The following AFF1 variants were observed in gnomAD, a reference collection of about 807,000 sequenced individuals.
AFF1 encodes ALF transcription elongation factor 1.
Under a neutral mutation model 121.7 loss-of-function variants are expected in AFF1, and 48 were observed. That is an observed-to-expected ratio of 0.39 (90% CI 0.31 to 0.50). The LOEUF (loss-of-function observed/expected upper bound fraction) is 0.50. Among genes scored for constraint, AFF1 ranks in the 20% least tolerant of loss-of-function variants. The pLI, the probability that AFF1 is intolerant of heterozygous loss-of-function variation, is 0.76. For missense variants in AFF1, 1,523 were observed against 1,511.7 expected, an observed-to-expected ratio of 1.01 and a Z score of -0.12; for synonymous variants, 613 against 563.0, an observed-to-expected ratio of 1.09 and a Z score of -1.26.
intron 15 of AFF1, 98 bp from the exon 16 acceptor site, chr4:87,127,545 T>A: frequency 1.8e-6 from 2 of 1,101,836 alleles, no homozygotes; most frequent in Non-Finnish European, 2.7e-6. Flanking sequence ...CTCCTCCCCT[T>A]GCTGTCCTCC....
chr4:86,940,434 C>A (rs1231643808), intron 1 of AFF1, among the ~76,000 whole-genome samples: 1 of 152,208 alleles, frequency 6.6e-6, no homozygotes, highest in Non-Finnish European at 1.5e-5. Flanking sequence ...CAGAGTCTCA[C>A]TCTGTTGCCC....
chr4:87,049,814 G>T, intron 4 of AFF1: 1 of 451,928 alleles, frequency 2.2e-6, no homozygotes, highest in Non-Finnish European at 4.5e-6. Flanking sequence ...GGCTCTCGGT[G>T]ACCCCTTTGA....
At chr4:87,040,161 C>T (rs1729993482) in intron 2 of AFF1, among the ~76,000 whole-genome samples, 1 of 152,166 alleles carries the variant, frequency 6.6e-6, no homozygotes, top group Non-Finnish European at 1.5e-5. Flanking sequence ...TCCCAAAGTG[C>T]TGGGATTACA....
intron 2 of AFF1, among the ~76,000 whole-genome samples, chr4:86,969,940 A>G (rs545070566): frequency 2.0e-5 from 3 of 151,304 alleles, no homozygotes; most frequent in East Asian, 3.9e-4. Context: ...ATGATATAGT[A>G]TACAAATTAC....
chr4:87,046,046 C>A (rs113353884), intron 2 of AFF1, 120 bp from the exon 3 acceptor site: 2 of 1,213,688 alleles, frequency 1.6e-6, no homozygotes, highest in African/African-American at 1.5e-5. Context: ...AAATCACAGC[C>A]GTCATCACTG....
intron 2 of AFF1, among the ~76,000 whole-genome samples, chr4:87,026,778 A>G (rs745368233): frequency 5.9e-5 from 9 of 152,202 alleles, no homozygotes; most frequent in Non-Finnish European, 1.2e-4. Context: ...TACCTATTGT[A>G]TTACAGATTT....
In AFF1 at chr4:87,046,197, A is replaced by G. The variant is rs752107576; in HGVS notation, c.70A>G (p.Ile24Val). Reference sequence around the variant, plus strand: ...CAATGACGACAGAAACCTGCTTCGAATTAGAGAGAAGGAAAGACGCAACCA... The same window carrying G: ...CAATGACGACAGAAACCTGCTTCGAGTTAGAGAGAAGGAAAGACGCAACCA... ...LYNDDRNLLR[I>V]REKERRNQEA... Residue 24 changes from isoleucine (I) to valine (V), a missense_variant, in exon 3 of 21, where the codon ATT becomes GTT. By Grantham distance (29) the Ile-to-Val change is conservative (BLOSUM62 3). Around this residue, in one of 5 missense-constraint regions of AFF1, gnomAD observed 369 missense variants for 367.2 expected, o/e 1.00. Coordinates refer to ENST00000395146, the MANE Select transcript of AFF1 (RefSeq NM_001166693.3). 1.2e-6 allele frequency: 2 copies of G among 1,613,924 alleles called. No homozygotes were observed. Among genetic ancestry groups the G allele is most frequent in the Non-Finnish European group, 1.7e-6 (2 of 1,179,942 alleles).
chr4:87,039,193 A>G (rs1729865355), intron 2 of AFF1, among the ~76,000 whole-genome samples: 1 of 152,158 alleles, frequency 6.6e-6, no homozygotes, highest in Non-Finnish European at 1.5e-5. Context: ...TTCCTTTTTT[A>G]GTGTGAAGGA....
rs1338108921 is a variant in AFF1, at chr4:87,029,184, C to T, written c.39-16982C>T. Among the ~76,000 whole-genome samples the T allele has an allele frequency of 3.9e-5, 6 of 152,042 alleles. No homozygotes were observed. The East Asian group carries it at 5.8e-4, about 15-fold the overall frequency. Reference sequence around the variant, plus strand: ...TAAACTTTGATATAAATATTGTGGCCGTTTCTGAGCTACTTTATTGTAAGA... The same window carrying T: ...TAAACTTTGATATAAATATTGTGGCTGTTTCTGAGCTACTTTATTGTAAGA... On this transcript the variant is annotated intron_variant, in intron 2 of 20. Coordinates refer to ENST00000395146, the MANE Select transcript of AFF1 (RefSeq NM_001166693.3).
chr4:86,985,181 C>CTATATATATATATATA (rs55891819), intron 2 of AFF1, among the ~76,000 whole-genome samples: 1,264 of 96,020 alleles, frequency 0.013, 25 homozygotes, highest in East Asian at 0.024. Flanking sequence ...ATATGTATTA[C>CTATATATATATATATA]TATATATATA....
intron 2 of AFF1, among the ~76,000 whole-genome samples, chr4:86,970,010 G>A (rs531051725): frequency 1.3e-5 from 2 of 151,552 alleles, no homozygotes; most frequent in Admixed American, 6.6e-5. Flanking sequence ...TATCTACCTA[G>A]ATAAACACAT....
At chr4:87,070,686 A>C (rs1560596359) in intron 4 of AFF1, among the ~76,000 whole-genome samples, 1 of 152,382 alleles carries the variant, frequency 6.6e-6, no homozygotes, top group East Asian at 1.9e-4. Context: ...GCTTCTACCC[A>C]AGTTTTAACA....
chr4:87,022,575 T>TATATAC (rs1728057307), intron 2 of AFF1, among the ~76,000 whole-genome samples: 2 of 88,234 alleles, frequency 2.3e-5, no homozygotes, highest in African/African-American at 5.3e-5. Context: ...TATATATATA[T>TATATAC]ATATATATCT....
intron 2 of AFF1, among the ~76,000 whole-genome samples, chr4:86,982,848 C>CAAAAAAAAAAAAAAAA (rs59568294): frequency 2.2e-4 from 12 of 53,808 alleles, no homozygotes; most frequent in African/African-American, 8.2e-4. Flanking sequence ...ACTCTGTCTC[C>CAAAAAAAAAAAAAAAA]AAAAAAAAAA....
intron 19 of AFF1, among the ~76,000 whole-genome samples, 168 bp downstream of exon 19, chr4:87,132,576 T>G (rs1258421939): frequency 6.6e-6 from 1 of 152,270 alleles, no homozygotes; most frequent in African/African-American, 2.4e-5. Context: ...AGCATATTTC[T>G]ACCTTTTTGA....
At chr4:87,058,886 A>T (rs577198754) in intron 4 of AFF1, among the ~76,000 whole-genome samples, 1 of 152,078 alleles carries the variant, frequency 6.6e-6, no homozygotes, top group Non-Finnish European at 1.5e-5. Flanking sequence ...CCACTAGTGG[A>T]CTGTATTGGA....
chr4:87,057,717 ACCATTAATTC>A (rs1248346850), intron 4 of AFF1, among the ~76,000 whole-genome samples: 1 of 152,244 alleles, frequency 6.6e-6, no homozygotes, highest in Non-Finnish European at 1.5e-5. Flanking sequence ...GATCAAGTGG[ACCATTAATTC>A]CCAGTTAAGA....
intron 1 of AFF1, among the ~76,000 whole-genome samples, chr4:86,947,122 G>C (rs1720924735): frequency 6.6e-6 from 1 of 152,174 alleles, no homozygotes; most frequent in Admixed American, 6.5e-5. Flanking sequence ...TAAGTGGTGA[G>C]GGAAGGGAAG....
At chr4:87,113,221 C>A (rs897072835) in intron 11 of AFF1, among the ~76,000 whole-genome samples, 1 of 152,128 alleles carries the variant, frequency 6.6e-6, no homozygotes, top group African/African-American at 2.4e-5. Context: ...GTATGCCTCC[C>A]TTTGTATCTT....
Sources: allele counts gnomAD v4.1 joint callset (sites outside exome capture counted in the v4.1 genomes callset), GRCh38; gene constraint gnomAD v4.1.1; regional missense constraint gnomAD v4.1.1; transcripts MANE v1.5; gene names NCBI Gene and HGNC (gene_info 2026-07-23, HGNC 2026-07-21).